Variants in IPO5 observed in about 807,000 individuals in gnomAD.
The protein encoded by IPO5 is importin 5.
Under a neutral mutation model 143.3 loss-of-function variants are expected in IPO5, and 18 were observed. The ratio of observed to expected loss-of-function variants is 0.13; its 90% confidence interval spans 0.09 to 0.19. The LOEUF (loss-of-function observed/expected upper bound fraction) is 0.19, where lower values mean the gene tolerates loss of function less well. Ranked by LOEUF, IPO5 falls within the 10% of genes least tolerant of loss-of-function variation. IPO5 has a pLI of 1.00. For missense variants in IPO5, 1,013 were observed against 1,336.9 expected (o/e 0.76, Z 3.78); for synonymous variants, 477 against 465.7 (o/e 1.02, Z -0.31).
rs1009345637 is a variant in IPO5 at position 97,983,264 on chromosome 13, A to G, written c.171+681A>G. ...AGTTCAGTGTTTTGATGTGTTATCA[A>G]TGTTTTGAAAAAATATTTTTTTCCC... is the stretch of plus-strand genomic sequence containing the variant. On this transcript the variant is annotated intron_variant, in intron 5 of 28. Coordinates refer to ENST00000651721, the MANE Select transcript of IPO5 (RefSeq NM_002271.6). 3.9e-5 allele frequency among the ~76,000 whole-genome samples: 6 copies of G among 152,198 alleles called. No homozygotes were observed. In the South Asian group the frequency reaches 8.3e-4, roughly 21 times the overall value.
intron 12 of IPO5, among the ~76,000 whole-genome samples, chr13:97,998,451 A>G (rs1485663127): frequency 3.3e-5 from 5 of 152,238 alleles, no homozygotes; most frequent in Non-Finnish European, 7.3e-5. Flanking sequence ...ATTCCCTGCA[A>G]TACACATCAT....
intron 2 of IPO5, among the ~76,000 whole-genome samples, chr13:97,959,458 G>T (rs1433044372): frequency 6.6e-6 from 1 of 151,982 alleles, no homozygotes; most frequent in African/African-American, 2.4e-5. Flanking sequence ...GGCAGGGCAC[G>T]GTGGCTCACG....
intron 5 of IPO5, among the ~76,000 whole-genome samples, chr13:97,984,485 A>G (rs1047449904): frequency 4.6e-5 from 7 of 152,184 alleles, no homozygotes; most frequent in African/African-American, 1.7e-4. Context: ...TTTTTGGTAT[A>G]TGTGTGAGAA....
chr13:97,955,133 G>T (rs1158623412), intron 2 of IPO5, among the ~76,000 whole-genome samples: 2 of 152,186 alleles, frequency 1.3e-5, no homozygotes, highest in Non-Finnish European at 2.9e-5. Context: ...GGAGGCTGAG[G>T]TGAGAGGATT....
intron 3 of IPO5, among the ~76,000 whole-genome samples, chr13:97,970,324 T>C (rs1885712198): frequency 6.6e-6 from 1 of 152,110 alleles, no homozygotes; most frequent in Non-Finnish European, 1.5e-5. Flanking sequence ...TATTTTACAC[T>C]TAAAATATAT....
At position 98,000,554 on chromosome 13, in the gene IPO5, C is replaced by T. The variant is rs775249271; in HGVS notation, c.1017C>T (p.Gly339=). Residue 339 remains glycine, a synonymous_variant, in exon 13 of 29, where the codon GGC becomes GGT. Transcript: ENST00000651721. ...DDDFDSNAVA[G]ESALDRMACG... ...ATGTGTTTAGCAATGCAGTTGCAGG[C>T]GAGAGTGCTCTAGATCGAATGGCTT... is the stretch of plus-strand genomic sequence containing the variant. 3.1e-6 allele frequency: 5 copies of T among 1,613,088 alleles called. No homozygotes were observed. The highest frequency in any genetic ancestry group is 3.3e-5 in the Admixed American group (2 of 59,984).
chr13:97,981,274 A>G (rs1206368176), intron 4 of IPO5: 2 of 456,190 alleles, frequency 4.4e-6, no homozygotes, highest in East Asian at 1.4e-4. Context: ...AAACCTGTGT[A>G]GCACTGCATA....
intron 9 of IPO5, 60 bp from the exon 10 acceptor site, chr13:97,992,832 G>C (rs961269867): frequency 6.6e-7 from 1 of 1,511,660 alleles, no homozygotes; most frequent in Non-Finnish European, 9.0e-7. Context: ...GGAATCTTTT[G>C]GCTAATGAGG....
chr13:97,969,507 G>A (rs539459646), intron 2 of IPO5, among the ~76,000 whole-genome samples: 35 of 151,780 alleles, frequency 2.3e-4, no homozygotes, highest in Non-Finnish European at 5.0e-4. Flanking sequence ...TTTATTTCAG[G>A]TATTAAAATG....
At chr13:97,963,957 G>A (rs1885098731) in intron 2 of IPO5, among the ~76,000 whole-genome samples, 2 of 152,122 alleles carry the variant, frequency 1.3e-5, no homozygotes, top group Admixed American at 1.3e-4. Context: ...GTGAGGATGA[G>A]CTTTTTTTCA....
intron 4 of IPO5, chr13:97,982,249 A>G (rs915590740): frequency 5.5e-6 from 2 of 362,230 alleles, no homozygotes; most frequent in Admixed American, 9.1e-5. Context: ...ACCAGGGAGC[A>G]TAAGTTGGGA....
At chr13:98,019,884 TTTTAAGG>T in intron 27 of IPO5, 75 bp downstream of exon 27, 1 of 951,866 alleles carries the variant, frequency 1.1e-6, no homozygotes, top group Non-Finnish European at 1.7e-6. Flanking sequence ...AACATCAGTC[TTTTAAGG>T]TTTAACCACA....
intron 3 of IPO5, among the ~76,000 whole-genome samples, chr13:97,971,237 G>A (rs1218905486): frequency 6.6e-6 from 1 of 152,192 alleles, no homozygotes; most frequent in African/African-American, 2.4e-5. Context: ...TTCCCTGCCT[G>A]TGTTCCATTC....
chr13:98,019,430 C>G (rs1890337295), intron 26 of IPO5, 151 bp from the exon 27 acceptor site: 2 of 633,254 alleles, frequency 3.2e-6, no homozygotes, highest in Admixed American at 5.7e-5. Context: ...TGTTGCCATT[C>G]TGTAATGACA....
At chr13:97,999,544 GA>G (rs2139751868) in intron 12 of IPO5, among the ~76,000 whole-genome samples, 1 of 152,242 alleles carries the variant, frequency 6.6e-6, no homozygotes, top group Admixed American at 6.5e-5. Flanking sequence ...TTCAGGGTGA[GA>G]TTTTTTTAAG....
At chr13:97,966,565 A>G (rs1178062883) in intron 2 of IPO5, among the ~76,000 whole-genome samples, 1 of 152,060 alleles carries the variant, frequency 6.6e-6, no homozygotes, top group Admixed American at 6.6e-5. Flanking sequence ...ATTGGTCTAT[A>G]GTTTTTTTTG....
In IPO5 at chr13:97,969,620, C is replaced by A; in HGVS notation, c.-112-103C>A. 6 of 642,868 alleles carry A rather than the reference C, an allele frequency of 9.3e-6. 1 individual carries two copies. Among genetic ancestry groups the A allele is most frequent in the Non-Finnish European group, 1.4e-5 (5 of 358,556 alleles). The allele number at this position is 642,868 out of a possible 1,614,324, so 39.8% of individuals were successfully genotyped here. ...AACTCTTAACCAGTCTTTGATTTAA[C>A]TGATAAGGATTTATTCTTCAAAATC... On this transcript the variant is annotated intron_variant, in intron 2 of 28. Coordinates refer to ENST00000651721, the MANE Select transcript of IPO5 (RefSeq NM_002271.6).
At chr13:97,954,092 T>A (rs1207526479) in intron 1 of IPO5, 27 bp from the exon 2 acceptor site, 3 of 281,774 alleles carry the variant, frequency 1.1e-5, no homozygotes, top group African/African-American at 2.2e-5. Context: ...CCTGAAACAG[T>A]CAGAAATCAG....
intron 6 of IPO5, 135 bp downstream of exon 6, chr13:97,985,748 A>G (rs1338833941): frequency 3.0e-6 from 2 of 662,982 alleles, no homozygotes; most frequent in Non-Finnish European, 5.2e-6. Context: ...GAATGTGCTT[A>G]TGGATTTTGC....
Sources: gnomAD v4.1 joint callset for allele counts (sites outside exome capture counted in the v4.1 genomes callset) on GRCh38, gnomAD v4.1.1 for gene constraint, MANE v1.5 for transcripts, NCBI Gene and HGNC (gene_info 2026-07-23, HGNC 2026-07-21) for gene names.